POM121: variants seen among roughly 807,000 people sequenced by gnomAD.
POM121 encodes nuclear envelope pore membrane protein POM 121.
POM121 carries 32 observed loss-of-function variants against 81.3 expected under a neutral mutation model. The observed-to-expected ratio is 0.39, with a 90% CI of 0.30 to 0.53. The LOEUF is 0.53. POM121 is among the 20% of genes least tolerant of loss of function. POM121 has a pLI of 0.66. For missense variants in POM121, 1,138 were observed against 1,614.6 expected (o/e 0.70, Z 5.06); for synonymous variants, 514 against 694.2 (o/e 0.74, Z 4.08).
Position 72,925,150 on chromosome 7 carries a change from C to G in POM121, c.29C>G (p.Ala10Gly), listed in dbSNP as rs1415379529. 2.0e-6 allele frequency: 3 copies of G among 1,467,306 alleles called. No homozygotes were observed. The highest frequency in any genetic ancestry group is 2.7e-6 in the Non-Finnish European group (3 of 1,120,080). The allele number at this position is 1,467,306 out of a possible 1,614,324, so 90.9% of individuals were successfully genotyped here. A position where few individuals can be genotyped will look rare whatever the true frequency, so the allele number is the denominator to read the frequency against. ...TCTCCGGCGGCTGCGGCGGCTGGAG[C>G]AGGCGAGCGGCGGCGGCCCATAGCG... The part of the protein sequence containing the change: MSPAAAAAG[A>G]GERRRPIASV... Residue 10 changes from alanine to glycine, a missense_variant, in exon 1 of 13, where the codon GCA becomes GGA. Physicochemically the swap from Ala to Gly is moderately conservative, Grantham distance 60 (BLOSUM62 0). Transcript: ENST00000434423.
chr7:72,919,274 C>A lies in POM121; in HGVS notation c.-152+5446C>A, dbSNP rs762721478. Among the ~76,000 whole-genome samples, 3 of 150,566 alleles carry A rather than the reference C, an allele frequency of 2.0e-5. No individual in the cohort carries two copies. The East Asian group carries it at 5.9e-4, about 29-fold the overall frequency. On this transcript the variant is annotated intron_variant, in intron 4 of 15. Coordinates refer to the POM121 transcript ENST00000395270. ...GGGAGCTTGGAGCTGTCTTACTCTG[C>A]CCTTTTGCTGATATCATTCCTCAAT... is the stretch of plus-strand genomic sequence containing the variant.
At chr7:72,900,417 T>G (rs1792491567) in intron 3 of POM121, among the ~76,000 whole-genome samples, 1 of 152,066 alleles carries the variant, frequency 6.6e-6, no homozygotes, top group African/African-American at 2.4e-5. Flanking sequence ...TATTTTTAAT[T>G]GATCTTTTCG....
At chr7:72,949,556 C>T, downstream of POM121, 3 of 733,664 alleles carry the variant, frequency 4.1e-6, no homozygotes, top group Non-Finnish European at 7.1e-6. Context: ...CCTGTCACAG[C>T]TGACACAGAC....
chr7:72,929,538 T>C (rs1257249338), intron 4 of POM121, among the ~76,000 whole-genome samples: 13 of 152,190 alleles, frequency 8.5e-5, no homozygotes, highest in Non-Finnish European at 1.9e-4. Flanking sequence ...AAATAGACCG[T>C]ACTTGTTTAA....
rs1554497011 is a variant in POM121 at position 72,925,411 on chromosome 7, G to A, written c.290G>A (p.Arg97Gln). 2 of 1,532,178 alleles carry A rather than the reference G, an allele frequency of 1.3e-6. No homozygotes were observed. The highest frequency in any genetic ancestry group is 2.4e-5 in the South Asian group (2 of 83,964). 94.9% of individuals were successfully genotyped at this position (1,532,178 alleles called of 1,614,324 possible). A position where few individuals can be genotyped will look rare whatever the true frequency, so the allele number is the denominator to read the frequency against. Residue 97 changes from arginine (R) to glutamine (Q), a missense_variant, in exon 1 of 13, where the codon CGG (arginine) becomes CAG (glutamine). Coordinates refer to ENST00000434423, the MANE Select transcript of POM121 (RefSeq NM_001387691.1). Reference sequence around the variant, plus strand: ...CGGCGCCCCTTGTCCTCCTTCGTTCGGAAGGCGCGTCATCGGCGAACACTG... The same window carrying A: ...CGGCGCCCCTTGTCCTCCTTCGTTCAGAAGGCGCGTCATCGGCGAACACTG... ...RHRRPLSSFV[R>Q]KARHRRTLFA...
intron 3 of POM121, among the ~76,000 whole-genome samples, chr7:72,911,728 C>T (rs3973800): frequency 5.9e-5 from 9 of 152,102 alleles, no homozygotes; most frequent in Non-Finnish European, 8.8e-5. Flanking sequence ...TAGACGAATG[C>T]GTGGCAAGCA....
intron 3 of POM121, among the ~76,000 whole-genome samples, chr7:72,901,589 A>G (rs1436465765): frequency 1.3e-5 from 2 of 151,792 alleles, no homozygotes; most frequent in Non-Finnish European, 2.9e-5. Flanking sequence ...TCCTGACCTC[A>G]TGATCCACCT....
intron 3 of POM121, among the ~76,000 whole-genome samples, chr7:72,897,212 C>T (rs1486600900): frequency 3.3e-5 from 5 of 151,714 alleles, no homozygotes; most frequent in South Asian, 4.2e-4. Flanking sequence ...ATTACTGTGA[C>T]GGGAAAAAAG....
intron 3 of POM121, among the ~76,000 whole-genome samples, chr7:72,907,048 T>C (rs1793314905): frequency 6.6e-6 from 1 of 152,226 alleles, no homozygotes; most frequent in Non-Finnish European, 1.5e-5. Context: ...CCTCTGGGTT[T>C]TTTTATACCT....
intron 3 of POM121, among the ~76,000 whole-genome samples, chr7:72,892,839 A>T (rs1586074763): frequency 6.6e-6 from 1 of 151,894 alleles, no homozygotes; most frequent in African/African-American, 2.4e-5. Flanking sequence ...GCTAATTTTT[A>T]TATTTTTAGT....
chr7:72,946,374 G>A lies in POM121; in HGVS notation c.*140G>A. 1.4e-6 allele frequency: 2 copies of A among 1,439,896 alleles called. No individual in the cohort carries two copies. Among genetic ancestry groups the A allele is most frequent in the Non-Finnish European group, 1.8e-6 (2 of 1,092,858 alleles). The allele number at this position is 1,439,896 out of a possible 1,614,324, so 89.2% of individuals were successfully genotyped here. ...TGGCTTCAGCCGCCAGGGGGCAGTG[G>A]CAGCCCTGGGGCCCTTTCCCTTCTG... On this transcript the variant is annotated 3_prime_UTR_variant, in exon 13 of 13. Coordinates refer to ENST00000434423, the MANE Select transcript of POM121 (RefSeq NM_001387691.1).
upstream of POM121, among the ~76,000 whole-genome samples, chr7:72,922,233 C>G (rs1406111391): frequency 5.3e-5 from 8 of 151,922 alleles, no homozygotes; most frequent in African/African-American, 1.9e-4. Flanking sequence ...ATCAATTGTC[C>G]TTTTTAAAAA....
At chr7:72,949,793 T>C (rs1797943824), downstream of POM121, 1 of 1,084,998 alleles carries the variant, frequency 9.2e-7, no homozygotes, top group Non-Finnish European at 1.4e-6. Flanking sequence ...CATTACCCAC[T>C]GAAAGGCACA....
At chr7:72,895,177 C>G (rs1791817573) in intron 3 of POM121, among the ~76,000 whole-genome samples, 1 of 152,198 alleles carries the variant, frequency 6.6e-6, no homozygotes, top group African/African-American at 2.4e-5. Flanking sequence ...CACACCATCT[C>G]AATGACCAGG....
chr7:72,949,612 C>T (rs1336389094), downstream of POM121: 3 of 670,932 alleles, frequency 4.5e-6, no homozygotes, highest in Non-Finnish European at 8.0e-6. Context: ...ATTGAAACAG[C>T]CTATATTTAA....
intron 1 of POM121, among the ~76,000 whole-genome samples, chr7:72,882,370 A>T (rs1233004791): frequency 2.0e-5 from 3 of 152,176 alleles, no homozygotes; most frequent in African/African-American, 7.2e-5. Context: ...ACACACCGAA[A>T]CCATATCACC....
intron 7 of POM121, among the ~76,000 whole-genome samples, 156 bp downstream of exon 7, chr7:72,939,565 A>G (rs1385139613): frequency 1.3e-5 from 2 of 152,236 alleles, no homozygotes; most frequent in Non-Finnish European, 2.9e-5. Context: ...TCAGAAGTTT[A>G]TAGTCTGATG....
chr7:72,895,288 A>G (rs1224559398), intron 3 of POM121, among the ~76,000 whole-genome samples: 1 of 152,210 alleles, frequency 6.6e-6, no homozygotes, highest in Non-Finnish European at 1.5e-5. Flanking sequence ...TTCATACCTC[A>G]GACCCTGTCT....
At chr7:72,890,520 AATAAGGTAT>A in intron 1 of POM121, 1 of 1,299,740 alleles carries the variant, frequency 7.7e-7, no homozygotes, top group Non-Finnish European at 1.1e-6. Context: ...TGTAACATAA[AATAAGGTAT>A]ACAATGTTCA....
Sources: allele counts gnomAD v4.1 joint callset (sites outside exome capture counted in the v4.1 genomes callset), GRCh38; gene constraint gnomAD v4.1.1; transcripts MANE v1.5; gene names NCBI Gene and HGNC (gene_info 2026-07-23, HGNC 2026-07-21).